Variants in CACNA1E observed in about 807,000 individuals in gnomAD.
CACNA1E encodes voltage-dependent R-type calcium channel subunit alpha-1E.
A neutral mutation model predicts 259.2 loss-of-function variants in CACNA1E; 40 were observed. The ratio of observed to expected loss-of-function variants is 0.15; its 90% CI spans 0.12 to 0.20. The LOEUF is 0.20. CACNA1E is among the 10% of genes least tolerant of loss of function. The pLI, the probability that CACNA1E is intolerant of heterozygous loss-of-function variation, is 1.00. For synonymous variants in CACNA1E, 1,104 were observed against 1,138.5 expected, an observed-to-expected ratio of 0.97 and a Z score of 0.61; for missense variants, 1,874 against 3,040.1, an observed-to-expected ratio of 0.62 and a Z score of 9.02.
rs1332242368 is a variant in CACNA1E, at chr1:181,772,149, C to T, written c.5057C>T (p.Ser1686Leu). The T allele has an allele frequency of 1.2e-6, 2 of 1,613,806 alleles. No homozygotes were observed. Among genetic ancestry groups the T allele is most frequent in the Middle Eastern group, 1.6e-4 (1 of 6,084 alleles). Reference sequence around the variant, plus strand: ...TGTGAGCCTGACACCACCGCACCATCAGGGCAGAACGAGAACGAACGCTGC... The same window carrying T: ...TGTGAGCCTGACACCACCGCACCATTAGGGCAGAACGAGAACGAACGCTGC... ...KGCEPDTTAP[S>L]GQNENERCGT... The change falls in exon 37 of 48, where the codon TCA becomes TTA. Residue 1686 changes from serine to leucine, a missense_variant. Transcript: ENST00000367573.
chr1:181,535,337 G>A (rs1404129406), intron 3 of CACNA1E, among the ~76,000 whole-genome samples: 1 of 152,092 alleles, frequency 6.6e-6, no homozygotes, highest in Non-Finnish European at 1.5e-5. Flanking sequence ...AGGCATTAGA[G>A]GTCCTGAACT....
intron 6 of CACNA1E, among the ~76,000 whole-genome samples, chr1:181,644,555 C>T (rs6697349): frequency 0.26 from 38,865 of 152,032 alleles, 5,715 homozygotes; most frequent in African/African-American, 0.4. Context: ...GGTAGAAACA[C>T]CATCCAACTG....
chr1:181,657,095 AC>A (rs1371812240), intron 7 of CACNA1E, among the ~76,000 whole-genome samples: 2 of 152,236 alleles, frequency 1.3e-5, no homozygotes, highest in African/African-American at 4.8e-5. Flanking sequence ...ACACAAAAAA[AC>A]ACTCTAAGCA....
At chr1:181,516,218 C>T (rs1361735723) in intron 3 of CACNA1E, among the ~76,000 whole-genome samples, 1 of 151,818 alleles carries the variant, frequency 6.6e-6, no homozygotes, top group Admixed American at 6.6e-5. Context: ...AAGACCTAAC[C>T]TCATTGAAGT....
intron 7 of CACNA1E, among the ~76,000 whole-genome samples, chr1:181,679,814 G>T (rs574016264): frequency 2.0e-5 from 3 of 152,172 alleles, no homozygotes; most frequent in Non-Finnish European, 4.4e-5. Context: ...TGTTCAGAAG[G>T]GCATCAAAGT....
chr1:181,382,446 A>C (rs868218738), intron 1 of CACNA1E, among the ~76,000 whole-genome samples: 1 of 152,148 alleles, frequency 6.6e-6, no homozygotes, highest in Non-Finnish European at 1.5e-5. Flanking sequence ...ATCAGCTAAG[A>C]TGTTCTTTGA....
At chr1:181,552,754 C>G (rs1447572520) in intron 3 of CACNA1E, among the ~76,000 whole-genome samples, 1 of 152,180 alleles carries the variant, frequency 6.6e-6, no homozygotes, top group Non-Finnish European at 1.5e-5. Flanking sequence ...GACCCATCCT[C>G]TAAATTCCCT....
intron 3 of CACNA1E, among the ~76,000 whole-genome samples, chr1:181,523,279 C>T (rs556078556): frequency 5.3e-5 from 8 of 152,330 alleles, no homozygotes; most frequent in African/African-American, 1.9e-4. Context: ...GGTCTGAACT[C>T]TAAGCAACAA....
Position 181,612,094 on chromosome 1 carries a change from C to A in CACNA1E, c.951+31318C>A, listed in dbSNP as rs954240814. 5.3e-5 allele frequency among the ~76,000 whole-genome samples: 8 copies of A among 152,130 alleles called. 1 individual carries two copies. Among genetic ancestry groups the A allele is most frequent in the Admixed American group, 4.6e-4 (7 of 15,278 alleles). ...AACACGACACTTGAGATTACCATAC[C>A]CAAAAAAGGATGACCCTCTCATGGC... On this transcript the variant is annotated intron_variant, in intron 6 of 47. Coordinates refer to ENST00000367573, the MANE Select transcript of CACNA1E (RefSeq NM_001205293.3).
chr1:181,495,880 C>G lies in CACNA1E; in HGVS notation c.266+11870C>G, dbSNP rs562348707. On this transcript the variant is annotated intron_variant, in intron 1 of 47. Transcript: ENST00000367573. ...TGAACATTTACTATGTGTCAGAATACTGTGCTAAGTGCTGCCCATGAGTTA... is the reference window on the plus strand; with the variant it reads ...TGAACATTTACTATGTGTCAGAATAGTGTGCTAAGTGCTGCCCATGAGTTA... 1.8e-3 allele frequency among the ~76,000 whole-genome samples: 273 copies of G among 152,326 alleles called. 2 individuals carry two copies. Among genetic ancestry groups the G allele is most frequent in the African/African-American group, 6.3e-3 (263 of 41,580 alleles).
intron 36 of CACNA1E, chr1:181,771,775 G>T: frequency 2.1e-6 from 1 of 478,572 alleles, no homozygotes; most frequent in Admixed American, 3.5e-5. Context: ...TTCCACTTAA[G>T]GGCTGAAACC....
chr1:181,593,027 A>T (rs1652810939), intron 6 of CACNA1E, among the ~76,000 whole-genome samples: 1 of 152,202 alleles, frequency 6.6e-6, no homozygotes, highest in Non-Finnish European at 1.5e-5. Context: ...TATTGAATAG[A>T]TGAATAAATA....
intron 1 of CACNA1E, among the ~76,000 whole-genome samples, chr1:181,408,065 C>T (rs1210936669): frequency 6.6e-6 from 1 of 152,216 alleles, no homozygotes; most frequent in Non-Finnish European, 1.5e-5. Flanking sequence ...AGTTCCATTT[C>T]TGTCCACTAT....
chr1:181,717,422 T>A, intron 11 of CACNA1E, 120 bp downstream of exon 11: 1 of 775,480 alleles, frequency 1.3e-6, no homozygotes, highest in Non-Finnish European at 2.2e-6. Flanking sequence ...CTTCACGCTG[T>A]GAGGGAGGCC....
chr1:181,700,440 T>C (rs1004841013), intron 7 of CACNA1E, among the ~76,000 whole-genome samples: 1 of 152,224 alleles, frequency 6.6e-6, no homozygotes, highest in Non-Finnish European at 1.5e-5. Flanking sequence ...ATTCATGATG[T>C]AAACAGTTGC....
chr1:181,766,960 C>G (rs1173946314), intron 35 of CACNA1E, among the ~76,000 whole-genome samples: 1 of 152,194 alleles, frequency 6.6e-6, no homozygotes, highest in African/African-American at 2.4e-5. Flanking sequence ...GACTAAGGAT[C>G]TATTTCTCAG....
intron 1 of CACNA1E, among the ~76,000 whole-genome samples, chr1:181,348,178 C>T (rs145122294): frequency 6.2e-4 from 94 of 151,368 alleles, no homozygotes; most frequent in African/African-American, 2.2e-3. Context: ...CTGGGAGCTT[C>T]GATGGGGTCT....
intron 1 of CACNA1E, among the ~76,000 whole-genome samples, chr1:181,390,131 G>C (rs1656149927): frequency 6.6e-6 from 1 of 152,128 alleles, no homozygotes; most frequent in Non-Finnish European, 1.5e-5. Context: ...CTGAGCCTAG[G>C]CAGGGCTATG....
intron 2 of CACNA1E, among the ~76,000 whole-genome samples, chr1:181,438,724 G>A (rs780733740): frequency 2.0e-5 from 3 of 152,190 alleles, no homozygotes; most frequent in African/African-American, 4.8e-5. Context: ...ATTTGCACGC[G>A]TACACTGGTG....
Sources: allele counts gnomAD v4.1 joint callset (sites outside exome capture counted in the v4.1 genomes callset), GRCh38; gene constraint gnomAD v4.1.1; transcripts MANE v1.5; gene names NCBI Gene and HGNC (gene_info 2026-07-23, HGNC 2026-07-21).